RREB1: variants seen among roughly 807,000 people sequenced by gnomAD.
RREB1 encodes ras-responsive element-binding protein 1.
A neutral mutation model predicts 117.8 loss-of-function variants in RREB1; 27 were observed. The observed-to-expected ratio is 0.23, with a 90% CI of 0.17 to 0.32. RREB1 has a LOEUF of 0.32. Among genes scored for constraint, RREB1 ranks in the 10% least tolerant of loss-of-function variants. The pLI is 1.00. For missense variants in RREB1, 2,577 were observed against 2,378.2 expected (o/e 1.08, Z -1.74); for synonymous variants, 1,298 against 1,026.7 (o/e 1.26, Z -5.05).
At chr6:7,170,365 G>A (rs905746615) in intron 1 of RREB1, among the ~76,000 whole-genome samples, 13 of 152,136 alleles carry the variant, frequency 8.5e-5, no homozygotes, top group African/African-American at 2.2e-4. Context: ...TGTTCTCCCC[G>A]TCACCTGCCC....
intron 1 of RREB1, among the ~76,000 whole-genome samples, chr6:7,138,850 G>A (rs530923551): frequency 2.4e-4 from 36 of 152,234 alleles, no homozygotes; most frequent in Non-Finnish European, 4.0e-4. Flanking sequence ...GTAATCCTCC[G>A]TAATAAGAGT....
chr6:7,167,697 T>C (rs1324176731), intron 1 of RREB1, among the ~76,000 whole-genome samples: 1 of 152,122 alleles, frequency 6.6e-6, no homozygotes, highest in Non-Finnish European at 1.5e-5. Context: ...GGCAATCCAA[T>C]AGGGGAAGCA....
chr6:7,203,437 G>A (rs1766096869), intron 6 of RREB1, among the ~76,000 whole-genome samples: 2 of 152,210 alleles, frequency 1.3e-5, no homozygotes, highest in Non-Finnish European at 2.9e-5. Context: ...TACCAAGAAT[G>A]CAGAAGGGTC....
chr6:7,108,759 C>T (rs939251016), intron 1 of RREB1: 2 of 151,808 alleles, frequency 1.3e-5, no homozygotes, highest in African/African-American at 4.8e-5. Context: ...CGGGGCTGCT[C>T]GGTGGGAGCA....
chr6:7,198,277 G>A (rs1765765605), intron 6 of RREB1, among the ~76,000 whole-genome samples: 1 of 152,274 alleles, frequency 6.6e-6, no homozygotes, highest in South Asian at 2.1e-4. Flanking sequence ...CTGCAGGAAG[G>A]AAAGTATCAG....
chr6:7,129,012 C>T (rs1004459626), intron 1 of RREB1, among the ~76,000 whole-genome samples: 3 of 152,186 alleles, frequency 2.0e-5, no homozygotes, highest in African/African-American at 7.2e-5. Flanking sequence ...TATTTGAATA[C>T]CTCCAGCTTC....
At chr6:7,126,744 G>C (rs138926349) in intron 1 of RREB1, among the ~76,000 whole-genome samples, 141 of 152,260 alleles carry the variant, frequency 9.3e-4, no homozygotes, top group African/African-American at 3.2e-3. Context: ...CCAGCATTCT[G>C]GGCTCCTTTT....
intron 1 of RREB1, among the ~76,000 whole-genome samples, chr6:7,117,898 C>G (rs1204842032): frequency 6.6e-6 from 1 of 151,830 alleles, no homozygotes; most frequent in South Asian, 2.1e-4. Flanking sequence ...TTTAAAAAAG[C>G]AAAAAGAAGA....
intron 8 of RREB1, among the ~76,000 whole-genome samples, chr6:7,226,159 G>A (rs1028862273): frequency 2.0e-5 from 3 of 152,138 alleles, no homozygotes; most frequent in South Asian, 4.1e-4. Flanking sequence ...CGAGCAGGTC[G>A]GCCATGGTGG....
intron 11 of RREB1, 74 bp downstream of exon 11, chr6:7,240,676 C>T: frequency 7.1e-7 from 1 of 1,404,288 alleles, no homozygotes; most frequent in African/African-American, 1.4e-5. Context: ...TAGCAAACTC[C>T]AGTCCGAGCT....
chr6:7,117,403 T>G lies in RREB1; in HGVS notation c.-285+9343T>G, dbSNP rs1214543217. ...TAGGTTTCCTGTTTTTTTTTTTTTT[T>G]TTTTTTTTTTTTTTTTTTTTTTGAG... On this transcript the variant is annotated intron_variant, in intron 1 of 12. Transcript: ENST00000379938. Among the ~76,000 whole-genome samples the G allele has an allele frequency of 3.0e-4, 12 of 40,668 alleles. No homozygotes were observed. In the South Asian group the frequency reaches 4.0e-3, roughly 14 times the overall value. 26.7% of individuals were successfully genotyped at this position (40,668 alleles called of 152,430 possible). A position where few individuals can be genotyped will look rare whatever the true frequency, so the allele number is the denominator to read the frequency against.
At chr6:7,175,146 T>C (rs1427152624) in intron 1 of RREB1, among the ~76,000 whole-genome samples, 1 of 152,068 alleles carries the variant, frequency 6.6e-6, no homozygotes, top group African/African-American at 2.4e-5. Flanking sequence ...TCACCTTAGA[T>C]GGGTGAAGAT....
chr6:7,136,362 C>A (rs1762349898), intron 1 of RREB1, among the ~76,000 whole-genome samples: 1 of 152,088 alleles, frequency 6.6e-6, no homozygotes, highest in African/African-American at 2.4e-5. Context: ...GGATTTCTCC[C>A]CCCTTCAGTA....
At chr6:7,136,797 G>C (rs1762365675) in intron 1 of RREB1, among the ~76,000 whole-genome samples, 1 of 152,196 alleles carries the variant, frequency 6.6e-6, no homozygotes, top group Non-Finnish European at 1.5e-5. Context: ...ATGTTTTCAA[G>C]AGTTCTTTAT....
intron 6 of RREB1, among the ~76,000 whole-genome samples, chr6:7,209,340 G>C (rs1292953452): frequency 1.3e-5 from 2 of 152,164 alleles, no homozygotes; most frequent in African/African-American, 4.8e-5. Context: ...TCAACTCTTA[G>C]ATGCTTTCTT....
chr6:7,143,592 G>A (rs1181649012), intron 1 of RREB1, among the ~76,000 whole-genome samples: 2 of 152,136 alleles, frequency 1.3e-5, no homozygotes, highest in Admixed American at 6.5e-5. Context: ...TCTTTATCTA[G>A]ACCGTTTTGC....
chr6:7,226,476 T>C lies in RREB1; in HGVS notation c.717T>C (p.Ile239=), dbSNP rs1262719167. 1 of 1,611,632 alleles carries C rather than the reference T, an allele frequency of 6.2e-7. No individual in the cohort carries two copies. Among genetic ancestry groups the C allele is most frequent in the Non-Finnish European group, 8.5e-7 (1 of 1,178,556 alleles). Residue 239 remains isoleucine (I), a synonymous_variant, in exon 9 of 13, where the codon ATT becomes ATC. Coordinates refer to ENST00000379938, the MANE Select transcript of RREB1 (RefSeq NM_001003699.4). ...THSDNPLRCD[I]CCVTFRTHRG... is the part of the protein sequence containing the mutation. The stretch of plus-strand genomic sequence containing the variant: ...CCCTTTCCTCTCCTAGATGTGACAT[T>C]TGTTGTGTCACCTTTCGAACACATC...
At chr6:7,112,338 C>T (rs544278870) in intron 1 of RREB1, among the ~76,000 whole-genome samples, 3 of 152,056 alleles carry the variant, frequency 2.0e-5, no homozygotes, top group Non-Finnish European at 4.4e-5. Context: ...CTGTTGTAAG[C>T]CAAAAGTTTC....
intron 12 of RREB1, among the ~76,000 whole-genome samples, chr6:7,247,957 C>G (rs1769195022): frequency 1.3e-5 from 2 of 152,234 alleles, no homozygotes; most frequent in African/African-American, 2.4e-5. Context: ...CCAGCGCAGT[C>G]GGCTCTGCCC....
Sources: gnomAD v4.1 joint callset for allele counts (sites outside exome capture counted in the v4.1 genomes callset) on GRCh38, gnomAD v4.1.1 for gene constraint, MANE v1.5 for transcripts, NCBI Gene and HGNC (gene_info 2026-07-23, HGNC 2026-07-21) for gene names.